Variants in FKTN observed in about 807,000 individuals in gnomAD.
FKTN encodes the protein ribitol-5-phosphate transferase FKTN.
A neutral mutation model predicts 58.6 loss-of-function variants in FKTN; 47 were observed. That is an observed-to-expected ratio of 0.80 (90% CI 0.63 to 1.02). The LOEUF is 1.02. Among genes scored for constraint, FKTN ranks in the 50% least tolerant of loss-of-function variants. FKTN has a pLI of 0.00. For synonymous variants in FKTN, 178 were observed against 191.9 expected (o/e 0.93, Z 0.60); for missense variants, 516 against 537.3 (o/e 0.96, Z 0.39).
chr9:105,627,135 G>T lies in FKTN; in HGVS notation c.1172+7074G>T, dbSNP rs1351142661. 1.3e-5 allele frequency among the ~76,000 whole-genome samples: 2 copies of T among 151,804 alleles called. 1 individual carries two copies. The highest frequency in any genetic ancestry group is 2.9e-5 in the Non-Finnish European group (2 of 67,958). ...TTACAGGCACATTCCATCATACCCAGCTATTTTTGTATTTTTAGTAGAGAT... is the reference window on the plus strand; with the variant it reads ...TTACAGGCACATTCCATCATACCCATCTATTTTTGTATTTTTAGTAGAGAT... On this transcript the variant is annotated intron_variant, in intron 10 of 10. Coordinates refer to ENST00000357998, the MANE Select transcript of FKTN (RefSeq NM_001079802.2).
chr9:105,590,868 C>G (rs960703967), intron 3 of FKTN, among the ~76,000 whole-genome samples: 1 of 150,972 alleles, frequency 6.6e-6, no homozygotes, highest in African/African-American at 2.4e-5. Flanking sequence ...CTAGCATCTG[C>G]TCAACTTCTG....
intron 1 of FKTN, among the ~76,000 whole-genome samples, chr9:105,567,372 A>G (rs1839855890): frequency 6.6e-6 from 1 of 152,226 alleles, no homozygotes; most frequent in Admixed American, 6.5e-5. Flanking sequence ...CTGTTTGCAG[A>G]TGACATGATT....
chr9:105,629,251 T>G (rs1237066896), intron 10 of FKTN, among the ~76,000 whole-genome samples: 4 of 152,110 alleles, frequency 2.6e-5, no homozygotes, highest in Admixed American at 2.6e-4. Context: ...AAACAGTTTG[T>G]GACTTAGAAA....
At chr9:105,580,230 C>G (rs1159023352) in intron 3 of FKTN, among the ~76,000 whole-genome samples, 2 of 152,090 alleles carry the variant, frequency 1.3e-5, no homozygotes, top group African/African-American at 2.4e-5. Context: ...TGCTGATTTT[C>G]CTCGTTAGTT....
intron 3 of FKTN, among the ~76,000 whole-genome samples, chr9:105,581,496 G>A (rs1401474323): frequency 2.0e-5 from 3 of 151,008 alleles, no homozygotes; most frequent in Non-Finnish European, 4.4e-5. Context: ...AGGGGTCAGG[G>A]ACCCACTTGA....
chr9:105,604,827 G>A (rs1828572167), intron 6 of FKTN, among the ~76,000 whole-genome samples: 2 of 151,950 alleles, frequency 1.3e-5, no homozygotes, highest in South Asian at 4.2e-4. Flanking sequence ...ATTGTGGTGG[G>A]TGCCTGTAAT....
intron 7 of FKTN, among the ~76,000 whole-genome samples, chr9:105,612,781 A>G (rs1006496349): frequency 2.0e-5 from 3 of 152,146 alleles, no homozygotes; most frequent in Non-Finnish European, 4.4e-5. Flanking sequence ...CCTGGGCAAC[A>G]TGGCGAAACC....
chr9:105,602,126 C>CA (rs1322832150), intron 5 of FKTN, among the ~76,000 whole-genome samples: 2 of 151,954 alleles, frequency 1.3e-5, no homozygotes, highest in African/African-American at 4.8e-5. Context: ...TTTCCAACAA[C>CA]AAAAAAAGTA....
At chr9:105,559,345 T>C (rs1210095193) in intron 1 of FKTN, among the ~76,000 whole-genome samples, 3 of 152,184 alleles carry the variant, frequency 2.0e-5, no homozygotes, top group Non-Finnish European at 4.4e-5. Context: ...CTAGTTACTT[T>C]CTTCTGGACT....
intron 3 of FKTN, among the ~76,000 whole-genome samples, chr9:105,583,204 T>G (rs886669189): frequency 1.3e-5 from 2 of 152,224 alleles, no homozygotes; most frequent in Non-Finnish European, 2.9e-5. Flanking sequence ...TTTGATGTGC[T>G]TGATTGAGCA....
rs3030697 is a variant in FKTN, at chr9:105,598,932, G to GACACAC, written c.166-2197_166-2192dup. On this transcript the variant is annotated intron_variant, in intron 4 of 10. Transcript: ENST00000357998. ...AGCACAGAAAGTAATAACCCTAAAA[G>GACACAC]ACACACACACACACACACACAAAAT... 1.1e-4 allele frequency among the ~76,000 whole-genome samples: 17 copies of GACACAC among 149,952 alleles called. No individual in the cohort carries two copies. The East Asian group carries it at 3.1e-3, about 27-fold the overall frequency.
At position 105,637,374 on chromosome 9, in the gene FKTN, C is replaced by T. The variant is rs775591152; in HGVS notation, c.*2110C>T. ...AATTGACACAGGTTCTATATTCTTC[C>T]CTACATAGACCACTGGCTGCTGAAA... is the stretch of plus-strand genomic sequence containing the variant. On this transcript the variant is annotated 3_prime_UTR_variant, in exon 11 of 11. Transcript: ENST00000357998. 89 of 985,240 alleles carry T rather than the reference C, an allele frequency of 9.0e-5. 1 individual carries two copies. Among genetic ancestry groups the T allele is most frequent in the Non-Finnish European group, 1.0e-4 (87 of 829,924 alleles). 61.0% of individuals were successfully genotyped at this position (985,240 alleles called of 1,614,324 possible). A position where few individuals can be genotyped will look rare whatever the true frequency, so the allele number is the denominator to read the frequency against.
In FKTN at chr9:105,638,214, T is replaced by C; in HGVS notation, c.*2950T>C. 1.0e-6 allele frequency: 1 copy of C among 985,434 alleles called. No homozygotes were observed. The highest frequency in any genetic ancestry group is 1.7e-5 in the African/African-American group (1 of 57,356). The allele number at this position is 985,434 out of a possible 1,614,324, so 61.0% of individuals were successfully genotyped here. ...GTTTCGCATCACAACACAGTATCTT[T>C]AACAGTGCTTGAGATGCTTAACAGA... On this transcript the variant is annotated 3_prime_UTR_variant, in exon 11 of 11. Transcript: ENST00000357998.
intron 10 of FKTN, among the ~76,000 whole-genome samples, chr9:105,627,453 G>A (rs542536736): frequency 6.6e-6 from 1 of 152,252 alleles, no homozygotes; most frequent in East Asian, 1.9e-4. Flanking sequence ...GTAATATGAA[G>A]TAAAGATCAA....
rs1403341033 is a variant in FKTN, at chr9:105,581,197, C to A, written c.105+6060C>A. ...AAGTCATTCTCCATCCAGCTTTGTTCCGTTGCTGGTGAGGAACTGCGTTCC... is the reference window on the plus strand; with the variant it reads ...AAGTCATTCTCCATCCAGCTTTGTTACGTTGCTGGTGAGGAACTGCGTTCC... On this transcript the variant is annotated intron_variant, in intron 3 of 10. Coordinates refer to ENST00000357998, the MANE Select transcript of FKTN (RefSeq NM_001079802.2). Among the ~76,000 whole-genome samples, 917 of 149,496 alleles carry A rather than the reference C, an allele frequency of 6.1e-3. 10 individuals carry two copies. The highest frequency in any genetic ancestry group is 0.022 in the African/African-American group (881 of 39,970).
intron 3 of FKTN, among the ~76,000 whole-genome samples, chr9:105,576,164 T>C (rs982117454): frequency 3.1e-4 from 47 of 150,600 alleles, no homozygotes; most frequent in African/African-American, 1.1e-3. Flanking sequence ...TTTTTTTTAA[T>C]TAATTTATTT....
chr9:105,593,406 C>T (rs951694827), intron 3 of FKTN, among the ~76,000 whole-genome samples: 1 of 152,138 alleles, frequency 6.6e-6, no homozygotes, highest in Non-Finnish European at 1.5e-5. Context: ...GATTACAATT[C>T]AGTATGAGAT....
At chr9:105,599,246 T>C (rs1469746164) in intron 4 of FKTN, among the ~76,000 whole-genome samples, 1 of 152,170 alleles carries the variant, frequency 6.6e-6, no homozygotes, top group African/African-American at 2.4e-5. Context: ...TATCATAGTT[T>C]TTCACTTTTT....
chr9:105,576,376 T>G (rs1047728709), intron 3 of FKTN, among the ~76,000 whole-genome samples: 19 of 152,076 alleles, frequency 1.2e-4, no homozygotes, highest in Middle Eastern at 6.8e-3. Context: ...GTCCATGTGA[T>G]CTCATTGTTC....
Sources: gnomAD v4.1 joint callset for allele counts (sites outside exome capture counted in the v4.1 genomes callset) on GRCh38, gnomAD v4.1.1 for gene constraint, MANE v1.5 for transcripts, NCBI Gene and HGNC (gene_info 2026-07-23, HGNC 2026-07-21) for gene names.